MICU1: variants seen among roughly 807,000 people sequenced by gnomAD.
MICU1 encodes the protein mitochondrial calcium uptake 1.
Under a neutral mutation model 56.8 loss-of-function variants are expected in MICU1, and 45 were observed. That is an observed-to-expected ratio of 0.79 (90% CI 0.62 to 1.02). The LOEUF (loss-of-function observed/expected upper bound fraction) is 1.02. Among genes scored for constraint, MICU1 ranks in the 50% least tolerant of loss-of-function variants. The pLI is 0.00. For missense variants in MICU1, 504 were observed against 587.1 expected, an observed-to-expected ratio of 0.86 and a Z score of 1.46; for synonymous variants, 186 against 195.1, an observed-to-expected ratio of 0.95 and a Z score of 0.39.
chr10:72,555,890 T>C (rs541312899), intron 3 of MICU1, among the ~76,000 whole-genome samples: 1 of 152,332 alleles, frequency 6.6e-6, no homozygotes, highest in African/African-American at 2.4e-5. Context: ...GGGACATATT[T>C]TCCCTTGGTC....
At chr10:72,402,958 T>C (rs555330025) in intron 10 of MICU1, among the ~76,000 whole-genome samples, 2 of 152,246 alleles carry the variant, frequency 1.3e-5, no homozygotes, top group East Asian at 1.9e-4. Flanking sequence ...TGTGAGAGGA[T>C]TGCTTGAGCC....
At chr10:72,621,270 C>G (rs986879052) in intron 1 of MICU1, among the ~76,000 whole-genome samples, 25 of 151,974 alleles carry the variant, frequency 1.6e-4, no homozygotes, top group African/African-American at 6.0e-4. Context: ...AGCAGATCAC[C>G]TGAGGTCAGG....
intron 2 of MICU1, among the ~76,000 whole-genome samples, chr10:72,565,249 A>T (rs573240334): frequency 2.0e-5 from 3 of 152,224 alleles, no homozygotes; most frequent in Non-Finnish European, 4.4e-5. Context: ...CAAATGTCCA[A>T]CAATGATAGA....
chr10:72,591,208 T>C (rs1392841379), intron 1 of MICU1, among the ~76,000 whole-genome samples: 3 of 151,582 alleles, frequency 2.0e-5, no homozygotes, highest in Admixed American at 1.3e-4. Flanking sequence ...AAACAAAACA[T>C]GTGGGATGCA....
At chr10:72,574,186 A>C (rs1386015044) in intron 1 of MICU1, among the ~76,000 whole-genome samples, 6 of 150,446 alleles carry the variant, frequency 4.0e-5, no homozygotes, top group Non-Finnish European at 8.9e-5. Flanking sequence ...CAAGAAACAT[A>C]TCTGAGATCT....
At chr10:72,477,982 C>A (rs1232223124) in intron 6 of MICU1, among the ~76,000 whole-genome samples, 1 of 151,878 alleles carries the variant, frequency 6.6e-6, no homozygotes, top group Non-Finnish European at 1.5e-5. Flanking sequence ...GATGCTCATG[C>A]CTCAGCCACC....
At chr10:72,521,821 T>A (rs1303373310) in intron 5 of MICU1, among the ~76,000 whole-genome samples, 2 of 152,076 alleles carry the variant, frequency 1.3e-5, no homozygotes, top group African/African-American at 2.4e-5. Flanking sequence ...TTGTATCCAC[T>A]AAGTTAACTT....
intron 8 of MICU1, among the ~76,000 whole-genome samples, chr10:72,459,148 T>C (rs1420100982): frequency 6.6e-6 from 1 of 151,926 alleles, no homozygotes; most frequent in Non-Finnish European, 1.5e-5. Flanking sequence ...TTGGCCAACA[T>C]GGTGAAACCC....
intron 3 of MICU1, among the ~76,000 whole-genome samples, chr10:72,558,444 C>T (rs760664532): frequency 4.6e-5 from 7 of 152,108 alleles, no homozygotes; most frequent in African/African-American, 9.6e-5. Context: ...GGGATATGAA[C>T]GGCAGTAAGT....
Position 72,513,068 on chromosome 10 carries a change from A to G in MICU1, c.538-4799T>C, listed in dbSNP as rs1337741623. 3.9e-5 allele frequency among the ~76,000 whole-genome samples: 6 copies of G among 152,000 alleles called. No individual in the cohort carries two copies. In the East Asian group the frequency reaches 9.7e-4, roughly 24 times the overall value. ...GCACAGGATGAAATGCAGTGGCACA[A>G]TCATGGATCTGGGCTGCATCCTTGA... On this transcript the variant is annotated intron_variant, in intron 5 of 11. Transcript: ENST00000361114.
Position 72,535,479 on chromosome 10 carries a change from A to G in MICU1, c.494-1690T>C, listed in dbSNP as rs566832625. On this transcript the variant is annotated intron_variant, in intron 4 of 11. Coordinates refer to ENST00000361114, the MANE Select transcript of MICU1 (RefSeq NM_001195518.2). ...CAATCCAAGAGGTTTAGTATCCTAC[A>G]GGACCTTTCTCATTCAGAAACAGGG... Among the ~76,000 whole-genome samples the G allele has an allele frequency of 8.5e-5, 13 of 152,348 alleles. No homozygotes were observed. In the South Asian group the frequency reaches 2.5e-3, roughly 29 times the overall value.
At chr10:72,612,283 C>CAA (rs58578214) in intron 1 of MICU1, among the ~76,000 whole-genome samples, 98 of 147,696 alleles carry the variant, frequency 6.6e-4, no homozygotes, top group Middle Eastern at 3.5e-3. Flanking sequence ...TTTTCTTAAC[C>CAA]AAAAAAAAAA....
intron 4 of MICU1, among the ~76,000 whole-genome samples, chr10:72,541,435 A>T (rs1326591348): frequency 3.3e-5 from 5 of 152,158 alleles, no homozygotes; most frequent in Non-Finnish European, 7.4e-5. Context: ...AGAATCTAAG[A>T]TTGATCTTTT....
At chr10:72,430,996 A>AT (rs1864508753) in intron 8 of MICU1, among the ~76,000 whole-genome samples, 1 of 152,094 alleles carries the variant, frequency 6.6e-6, no homozygotes, top group Admixed American at 6.6e-5. Context: ...AATCCTCATT[A>AT]TATTTCAAGG....
chr10:72,609,635 G>A (rs1841785414), intron 1 of MICU1, among the ~76,000 whole-genome samples: 2 of 151,600 alleles, frequency 1.3e-5, no homozygotes, highest in Non-Finnish European at 2.9e-5. Context: ...TCGGGAGGCT[G>A]AGGCAGGAGA....
intron 5 of MICU1, among the ~76,000 whole-genome samples, chr10:72,528,507 AAGAG>A (rs1468813792): frequency 2.6e-5 from 4 of 152,170 alleles, no homozygotes; most frequent in African/African-American, 9.6e-5. Context: ...TCTGGAAGCC[AAGAG>A]AGAGAGGGAA....
intron 1 of MICU1, among the ~76,000 whole-genome samples, chr10:72,592,046 G>A (rs1245435590): frequency 6.8e-6 from 1 of 147,650 alleles, no homozygotes; most frequent in African/African-American, 2.5e-5. Context: ...GCCTCGCTCT[G>A]TCATCCAGGC....
intron 1 of MICU1, among the ~76,000 whole-genome samples, chr10:72,567,169 T>C (rs1295709223): frequency 6.6e-6 from 1 of 151,872 alleles, no homozygotes; most frequent in Non-Finnish European, 1.5e-5. Flanking sequence ...GACAACATAG[T>C]AGGACCCCAT....
At chr10:72,542,555 G>A (rs1443484748) in intron 4 of MICU1, among the ~76,000 whole-genome samples, 2 of 152,178 alleles carry the variant, frequency 1.3e-5, no homozygotes, top group Non-Finnish European at 2.9e-5. Flanking sequence ...GTGCCAGCAG[G>A]AGCAAACGCC....
Sources: allele counts gnomAD v4.1 joint callset (sites outside exome capture counted in the v4.1 genomes callset), GRCh38; gene constraint gnomAD v4.1.1; transcripts MANE v1.5; gene names NCBI Gene and HGNC (gene_info 2026-07-23, HGNC 2026-07-21).